The following STK32A variants were observed in gnomAD, a reference collection of about 807,000 sequenced individuals.
STK32A encodes serine/threonine kinase 32A, also known as serine/threonine-protein kinase 32A.
STK32A carries 41 observed loss-of-function variants against 53.2 expected under a neutral mutation model. That is an observed-to-expected ratio of 0.77 (90% confidence interval 0.60 to 1.00). The LOEUF is 1.00. Among genes scored for constraint, STK32A ranks in the 50% least tolerant of loss-of-function variants. STK32A has a pLI of 0.00. For missense variants in STK32A, 458 were observed against 485.8 expected, an observed-to-expected ratio of 0.94 and a Z score of 0.54; for synonymous variants, 166 against 162.8, an observed-to-expected ratio of 1.02 and a Z score of -0.15.
Position 147,297,555 on chromosome 5 carries a change from C to T in STK32A, c.260+18157C>T, listed in dbSNP as rs374429293. ...AGTTTGAGCATATAAAGGATTTCAA[C>T]TCATTTCAGATCTGATCACAGCTGG... On this transcript the variant is annotated intron_variant, in intron 4 of 12. Coordinates refer to ENST00000397936, the MANE Select transcript of STK32A (RefSeq NM_001112724.2). Among the ~76,000 whole-genome samples, 9 of 152,182 alleles carry T rather than the reference C, an allele frequency of 5.9e-5. No homozygotes were observed. In the East Asian group the frequency reaches 9.6e-4, roughly 16 times the overall value.
intron 11 of STK32A, among the ~76,000 whole-genome samples, chr5:147,379,877 A>G (rs181382512): frequency 1.0e-3 from 155 of 152,256 alleles, no homozygotes; most frequent in African/African-American, 3.4e-3. Context: ...TAAGTCATGT[A>G]TGACCCATTA....
downstream of STK32A, among the ~76,000 whole-genome samples, chr5:147,389,334 G>A (rs1581164539): frequency 6.6e-6 from 1 of 152,052 alleles, no homozygotes; most frequent in African/African-American, 2.4e-5. Flanking sequence ...ATCACAAATT[G>A]ATTTTCTTTG....
Position 147,385,888 on chromosome 5 carries a change from T to G in STK32A, c.*1905T>G, listed in dbSNP as rs1211351996. On this transcript the variant is annotated 3_prime_UTR_variant, in exon 13 of 13. Coordinates refer to ENST00000397936, the MANE Select transcript of STK32A (RefSeq NM_001112724.2). The stretch of plus-strand genomic sequence containing the variant: ...CTGCGAAGACCTGACTGATGCCCAT[T>G]TGGGAAGCCAGGCAAGTGAAAATGG... 9 of 152,230 alleles carry G rather than the reference T, an allele frequency of 5.9e-5. No homozygotes were observed. The highest frequency in any genetic ancestry group is 1.3e-4 in the Admixed American group (2 of 15,282). 9.4% of individuals were successfully genotyped at this position (152,230 alleles called of 1,614,324 possible). A position where few individuals can be genotyped will look rare whatever the true frequency, so the allele number is the denominator to read the frequency against.
chr5:147,249,021 G>T (rs1753869143), intron 2 of STK32A, among the ~76,000 whole-genome samples: 1 of 152,146 alleles, frequency 6.6e-6, no homozygotes, highest in East Asian at 1.9e-4. Context: ...TTAAATCAGT[G>T]GTTCCCAGTC....
intron 2 of STK32A, among the ~76,000 whole-genome samples, chr5:147,245,117 A>C (rs1170234918): frequency 6.6e-6 from 1 of 152,194 alleles, no homozygotes; most frequent in Non-Finnish European, 1.5e-5. Context: ...CTGCACAAAA[A>C]CATAATCTCA....
intron 1 of STK32A, among the ~76,000 whole-genome samples, chr5:147,236,021 A>G (rs1753299026): frequency 6.6e-6 from 1 of 152,222 alleles, no homozygotes; most frequent in Non-Finnish European, 1.5e-5. Flanking sequence ...AAACAAAATA[A>G]GTTGTGTCTA....
At chr5:147,376,906 C>T (rs1220396704) in intron 11 of STK32A, among the ~76,000 whole-genome samples, 2 of 152,096 alleles carry the variant, frequency 1.3e-5, no homozygotes, top group Non-Finnish European at 2.9e-5. Flanking sequence ...AGTCATTCTA[C>T]GAAGCCAGCA....
intron 11 of STK32A, among the ~76,000 whole-genome samples, chr5:147,382,275 T>C (rs532004744): frequency 1.3e-5 from 2 of 152,310 alleles, no homozygotes; most frequent in East Asian, 3.9e-4. Flanking sequence ...GAATTCCTTT[T>C]TAGTTTCTTT....
chr5:147,350,255 A>G (rs997416407), intron 6 of STK32A, among the ~76,000 whole-genome samples: 2 of 150,098 alleles, frequency 1.3e-5, no homozygotes, highest in Non-Finnish European at 3.0e-5. Context: ...AATATGTACA[A>G]AAATATTTTA....
At position 147,281,021 on chromosome 5, in the gene STK32A, C is replaced by A. The variant is rs139897752; in HGVS notation, c.260+1623C>A. Among the ~76,000 whole-genome samples, 941 of 152,166 alleles carry A rather than the reference C, an allele frequency of 6.2e-3. 10 individuals are homozygous for A. Among genetic ancestry groups the A allele is most frequent in the African/African-American group, 0.022 (904 of 41,504 alleles). On this transcript the variant is annotated intron_variant, in intron 4 of 12. Transcript: ENST00000397936. The stretch of plus-strand genomic sequence containing the variant: ...TGGGTAGGCTAGCTGGGTGGCTAGA[C>A]CCAGAATAGAGATAACAATCACTGC...
intron 4 of STK32A, among the ~76,000 whole-genome samples, chr5:147,291,967 T>C (rs1189833986): frequency 6.6e-6 from 1 of 152,220 alleles, no homozygotes; most frequent in Non-Finnish European, 1.5e-5. Flanking sequence ...GAATCTCAGA[T>C]TAGACTTTTA....
intron 4 of STK32A, among the ~76,000 whole-genome samples, chr5:147,288,200 T>A (rs1752434261): frequency 6.6e-6 from 1 of 152,172 alleles, no homozygotes; most frequent in Non-Finnish European, 1.5e-5. Flanking sequence ...ACCCAGTGAT[T>A]CTGGTACTAC....
the STK32A span, among the ~76,000 whole-genome samples, chr5:147,398,457 T>C: frequency 6.6e-6 from 1 of 152,214 alleles, no homozygotes; most frequent in African/African-American, 2.4e-5. Flanking sequence ...TAATAGTCCC[T>C]ACCTGTAGAA....
At chr5:147,330,216 T>A (rs1241281268) in intron 5 of STK32A, among the ~76,000 whole-genome samples, 2 of 152,208 alleles carry the variant, frequency 1.3e-5, no homozygotes, top group East Asian at 3.8e-4. Flanking sequence ...AAGAATCCAC[T>A]TCCAAGCTCA....
downstream of STK32A, among the ~76,000 whole-genome samples, chr5:147,390,241 A>C (rs1284339683): frequency 1.3e-5 from 2 of 152,296 alleles, no homozygotes; most frequent in African/African-American, 4.8e-5. Context: ...ACTTTGAAAG[A>C]CCTTTATCAC....
At chr5:147,376,671 C>G (rs961708419) in intron 11 of STK32A, among the ~76,000 whole-genome samples, 17 of 152,270 alleles carry the variant, frequency 1.1e-4, no homozygotes, top group African/African-American at 4.1e-4. Context: ...GCAAGTGTCT[C>G]ACTCTCAAGC....
Position 147,367,934 on chromosome 5 carries a change from G to A in STK32A, c.661-2720G>A, listed in dbSNP as rs371278799. On this transcript the variant is annotated intron_variant, in intron 8 of 12. Transcript: ENST00000397936. ...AAAAGGAAGTAACATTTAATTACAAGCATCAATACAACTCAAGCACAGAGG... is the reference window on the plus strand; with the variant it reads ...AAAAGGAAGTAACATTTAATTACAAACATCAATACAACTCAAGCACAGAGG... 1.0e-3 allele frequency among the ~76,000 whole-genome samples: 159 copies of A among 152,286 alleles called. 1 individual carries two copies. In the Middle Eastern group the frequency reaches 0.014, roughly 13 times the overall value.
At chr5:147,304,061 T>A (rs149388085) in intron 4 of STK32A, among the ~76,000 whole-genome samples, 4 of 152,300 alleles carry the variant, frequency 2.6e-5, no homozygotes, top group African/African-American at 9.6e-5. Flanking sequence ...GAAGCACAGC[T>A]GAAGTAGCAG....
intron 9 of STK32A, among the ~76,000 whole-genome samples, chr5:147,372,207 A>G (rs1757030626): frequency 6.6e-6 from 1 of 150,926 alleles, no homozygotes; most frequent in African/African-American, 2.5e-5. Context: ...CGGGAGGTCA[A>G]AAGTGTATAT....
Sources: allele counts gnomAD v4.1 joint callset (sites outside exome capture counted in the v4.1 genomes callset), GRCh38; gene constraint gnomAD v4.1.1; transcripts MANE v1.5; gene names NCBI Gene and HGNC (gene_info 2026-07-23, HGNC 2026-07-21).